COL11A2: variants seen among roughly 807,000 people sequenced by gnomAD.
COL11A2 encodes collagen alpha-2(XI) chain.
A neutral mutation model predicts 273.4 loss-of-function variants in COL11A2; 116 were observed. The ratio of observed to expected loss-of-function variants is 0.42; its 90% CI spans 0.36 to 0.49. The LOEUF (loss-of-function observed/expected upper bound fraction) is 0.49. Ranked by LOEUF, COL11A2 falls within the 20% of genes least tolerant of loss-of-function variation. The pLI is 0.00. For missense variants in COL11A2, 1,866 were observed against 2,309.0 expected, an observed-to-expected ratio of 0.81 and a Z score of 3.93; for synonymous variants, 782 against 864.2, an observed-to-expected ratio of 0.90 and a Z score of 1.67.
Position 33,167,229 on chromosome 6 carries a change from C to T in COL11A2, c.4176+35G>A, listed in dbSNP as rs778686103. The T allele has an allele frequency of 2.1e-5, 34 of 1,614,036 alleles. No homozygotes were observed. The highest frequency in any genetic ancestry group is 1.6e-4 in the Middle Eastern group (1 of 6,084). On this transcript the variant is annotated intron_variant, in intron 57 of 65. Coordinates refer to ENST00000341947, the MANE Select transcript of COL11A2 (RefSeq NM_080680.3). The surrounding 1 kb of genome is among the most constrained non-coding windows in gnomAD (Gnocchi z 6.1). The stretch of plus-strand genomic sequence containing the variant: ...TTCAGCTCTGTCCCAGGGCACTGCC[C>T]TCACCCCTCACTCAGCCCAATCCCA...
rs1040358634 is a variant in COL11A2 at position 33,185,409 on chromosome 6, G to A, written c.876+292C>T. Among the ~76,000 whole-genome samples, 9 of 152,170 alleles carry A rather than the reference G, an allele frequency of 5.9e-5. 1 individual carries two copies. The highest frequency in any genetic ancestry group is 5.2e-4 in the Admixed American group (8 of 15,306). ...GGGTCAAAGCCTGCAGTTGGAGAGG[G>A]CCTCCGGCCTGGTGAGGGGGACGCC... On this transcript the variant is annotated intron_variant, in intron 6 of 65. Transcript: ENST00000341947.
Position 33,178,653 on chromosome 6 carries a change from C to T in COL11A2, c.1719+26G>A, listed in dbSNP as rs1422409504. ...CCCATAGAAGATCTATCCCCAATTA[C>T]AACACACACCCACTAATGTACTCAC... On this transcript the variant is annotated intron_variant, in intron 18 of 65. Transcript: ENST00000341947. This position sits in a 1 kb window ranked among gnomAD's most constrained non-coding sequence, Gnocchi z 4.6. The T allele has an allele frequency of 3.1e-6, 5 of 1,612,364 alleles. No individual in the cohort carries two copies. The South Asian group carries it at 3.3e-5, about 11-fold the overall frequency.
Position 33,178,115 on chromosome 6 carries a change from G to A in COL11A2, c.1872+17C>T, listed in dbSNP as rs745867838. 6.2e-7 allele frequency: 1 copy of A among 1,605,582 alleles called. No homozygotes were observed. The highest frequency in any genetic ancestry group is 1.3e-5 in the African/African-American group (1 of 74,748). Reference sequence around the variant, plus strand: ...TCAAGGGGTCACCTCAGGGTCAGAAGTCAGGGAGTCACTTACAGGGGGTCC... The same window carrying A: ...TCAAGGGGTCACCTCAGGGTCAGAAATCAGGGAGTCACTTACAGGGGGTCC... On this transcript the variant is annotated intron_variant, in intron 21 of 65. Coordinates refer to ENST00000341947, the MANE Select transcript of COL11A2 (RefSeq NM_080680.3). The surrounding 1 kb of genome is among the most constrained non-coding windows in gnomAD (Gnocchi z 4.6).
rs147517796 is a variant in COL11A2, at chr6:33,178,464, G to A, written c.1744C>T (p.Pro582Ser). 6 of 1,612,862 alleles carry A rather than the reference G, an allele frequency of 3.7e-6. No individual in the cohort carries two copies. Among genetic ancestry groups the A allele is most frequent in the Non-Finnish European group, 5.1e-6 (6 of 1,179,990 alleles). ...HRGDTGAQGL[P>S]GPPGEDGERG... Reference sequence around the variant, plus strand: ...TCTCCATCCTCACCAGGGGGACCAGGAAGGCCCTGGGCACCAGTATCACCC... The same window carrying A: ...TCTCCATCCTCACCAGGGGGACCAGAAAGGCCCTGGGCACCAGTATCACCC... The change falls in exon 19 of 66, where the codon CCT (proline) becomes TCT (serine). Residue 582 changes from proline (P) to serine (S), a missense_variant. Transcript: ENST00000341947. This position sits in a 1 kb window ranked among gnomAD's most constrained non-coding sequence, Gnocchi z 4.6.
intron 5 of COL11A2, chr6:33,186,396 A>G (rs183840590): frequency 6.9e-5 from 98 of 1,423,384 alleles, no homozygotes; most frequent in South Asian, 6.0e-4. Context: ...AGTTCCAGGA[A>G]GACTGGAAGA....
At chr6:33,191,634 G>A (rs1773119323) in intron 1 of COL11A2, among the ~76,000 whole-genome samples, 1 of 152,252 alleles carries the variant, frequency 6.6e-6, no homozygotes, top group Non-Finnish European at 1.5e-5. Context: ...CTGCGTGGCA[G>A]CATCGAGGGC....
Position 33,171,500 on chromosome 6 carries a change from C to A in COL11A2, c.3225G>T (p.Gly1075=). The A allele has an allele frequency of 6.2e-7, 1 of 1,614,094 alleles. No homozygotes were observed. The highest frequency in any genetic ancestry group is 8.5e-7 in the Non-Finnish European group (1 of 1,180,000). ...QGPVGLPGPA[G]PPGVAGEDGD... is the part of the protein sequence containing the mutation. ...CATCCTCTCCAGCCACACCTGGAGG[C>A]CCAGCAGGACCAGGAAGCCCCACAG... The change falls in exon 43 of 66, where the codon GGG becomes GGT. Residue 1075 remains glycine (G), a synonymous_variant. Coordinates refer to ENST00000341947, the MANE Select transcript of COL11A2 (RefSeq NM_080680.3).
rs1771165083 is a variant in COL11A2, at chr6:33,178,029, AAGCAT to A, written c.1872+98_1872+102del. On this transcript the variant is annotated intron_variant, in intron 21 of 65. Coordinates refer to ENST00000341947, the MANE Select transcript of COL11A2 (RefSeq NM_080680.3). This position sits in a 1 kb window ranked among gnomAD's most constrained non-coding sequence, Gnocchi z 4.6. ...GCAGGGGGAGCTCACAGGGAATGGGAAGCATGCCGAGAGAGGAGAGGGAGCAGGAA... is the reference window on the plus strand; with the variant it reads ...GCAGGGGGAGCTCACAGGGAATGGGAGCCGAGAGAGGAGAGGGAGCAGGAA... 4 of 1,229,174 alleles carry A rather than the reference AAGCAT, an allele frequency of 3.3e-6. No individual in the cohort carries two copies. Among genetic ancestry groups the A allele is most frequent in the Non-Finnish European group, 4.7e-6 (4 of 858,126 alleles). 76.1% of individuals were successfully genotyped at this position (1,229,174 alleles called of 1,614,324 possible).
In COL11A2 at chr6:33,163,888, A is replaced by C; in HGVS notation, c.5071-70T>G. 5.6e-6 allele frequency: 9 copies of C among 1,610,016 alleles called. No homozygotes were observed. In the South Asian group the frequency reaches 9.9e-5, roughly 18 times the overall value. On this transcript the variant is annotated intron_variant, in intron 65 of 65. Transcript: ENST00000341947. This position sits in a 1 kb window ranked among gnomAD's most constrained non-coding sequence, Gnocchi z 4.1. ...CCCCCCACCCTCTAACCTCAGGCCC[A>C]GGCTCACCTCTCCTCTGAGCACCTT...
Position 33,179,667 on chromosome 6 carries a change from C to T in COL11A2, c.1446+52G>A. ...CTGCCGCACACTCACTCCAGCCAAC[C>T]CTTCCAGTGCCCCCCAGAGCCTTCC... On this transcript the variant is annotated intron_variant, in intron 13 of 65. Transcript: ENST00000341947. This position sits in a 1 kb window ranked among gnomAD's most constrained non-coding sequence, Gnocchi z 6.4. 6.3e-7 allele frequency: 1 copy of T among 1,599,342 alleles called. No individual in the cohort carries two copies. Among genetic ancestry groups the T allele is most frequent in the South Asian group, 1.1e-5 (1 of 90,792 alleles).
rs1372156625 is a variant in COL11A2, at chr6:33,190,619, G to A, written c.83-1150C>T. On this transcript the variant is annotated intron_variant, in intron 1 of 65. Coordinates refer to ENST00000341947, the MANE Select transcript of COL11A2 (RefSeq NM_080680.3). This position sits in a 1 kb window ranked among gnomAD's most constrained non-coding sequence, Gnocchi z 4.5. ...AGTGGAGCTGGGTGGGGTGGGTGAG[G>A]TGGGGCGGGCAGGCAGAGAAAAGGC... 2.6e-5 allele frequency among the ~76,000 whole-genome samples: 4 copies of A among 151,916 alleles called. No homozygotes were observed. The highest frequency in any genetic ancestry group is 4.8e-5 in the African/African-American group (2 of 41,414).
Position 33,164,822 on chromosome 6 carries a change from G to A in COL11A2, c.4863+30C>T, listed in dbSNP as rs1562303673. On this transcript the variant is annotated intron_variant, in intron 64 of 65. Coordinates refer to ENST00000341947, the MANE Select transcript of COL11A2 (RefSeq NM_080680.3). This position sits in a 1 kb window ranked among gnomAD's most constrained non-coding sequence, Gnocchi z 4.7. ...CCCTGAGGGGGTGCACTATGGGGCAGGGGAGGGGCAGCGAGGGGCCAGCTC... is the reference window on the plus strand; with the variant it reads ...CCCTGAGGGGGTGCACTATGGGGCAAGGGAGGGGCAGCGAGGGGCCAGCTC... 1.3e-6 allele frequency: 2 copies of A among 1,537,874 alleles called. No homozygotes were observed. The highest frequency in any genetic ancestry group is 2.8e-5 in the African/African-American group (2 of 72,698).
chr6:33,187,753 A>G (rs72881290), intron 4 of COL11A2, among the ~76,000 whole-genome samples: 2,503 of 145,938 alleles, frequency 0.017, 22 homozygotes, highest in South Asian at 0.033. Context: ...GTGAGTGAGT[A>G]TATTGAAGGA....
Position 33,189,536 on chromosome 6 carries a change from G to A in COL11A2, c.83-67C>T. ...AGGAGGGCATAAATAGGGGACATTT[G>A]GGATCTAGAACTCAGCTTTCCAGGG... On this transcript the variant is annotated intron_variant, in intron 1 of 65. Coordinates refer to ENST00000341947, the MANE Select transcript of COL11A2 (RefSeq NM_080680.3). The surrounding 1 kb of genome is among the most constrained non-coding windows in gnomAD (Gnocchi z 5.6). 1 of 1,597,802 alleles carries A rather than the reference G, an allele frequency of 6.3e-7. No individual in the cohort carries two copies. The highest frequency in any genetic ancestry group is 1.1e-5 in the South Asian group (1 of 89,910).
chr6:33,163,918 C>T lies in COL11A2; in HGVS notation c.5071-100G>A, dbSNP rs1453870429. The T allele has an allele frequency of 6.4e-7, 1 of 1,558,054 alleles. No individual in the cohort carries two copies. Among genetic ancestry groups the T allele is most frequent in the African/African-American group, 1.4e-5 (1 of 73,662 alleles). On this transcript the variant is annotated intron_variant, in intron 65 of 65. Transcript: ENST00000341947. The surrounding 1 kb of genome is among the most constrained non-coding windows in gnomAD (Gnocchi z 4.1). ...CACCTCTCCTCTGAGCACCTTGGCC[C>T]CATCAGGGTGACTCAGGATGTACAG...
At chr6:33,191,165 G>C (rs758916129) in intron 1 of COL11A2, among the ~76,000 whole-genome samples, 1 of 152,154 alleles carries the variant, frequency 6.6e-6, no homozygotes, top group Non-Finnish European at 1.5e-5. Flanking sequence ...AAGACTCCTA[G>C]AGTCTACAGG....
chr6:33,184,753 C>T (rs2150603391), intron 7 of COL11A2, among the ~76,000 whole-genome samples: 1 of 152,332 alleles, frequency 6.6e-6, no homozygotes, highest in African/African-American at 2.4e-5. Context: ...GAGACGAAGT[C>T]ACTCAGGAAT....
rs974712419 is a variant in COL11A2 at position 33,163,644 on chromosome 6, G to A, written c.*34C>T. On this transcript the variant is annotated 3_prime_UTR_variant, in exon 66 of 66. Transcript: ENST00000341947. This position sits in a 1 kb window ranked among gnomAD's most constrained non-coding sequence, Gnocchi z 4.1. ...ATGTTGTGGGATTCCAGGTGGGCCT[G>A]GTTCCGAATGGACAGGATCAGACAG... 6.2e-7 allele frequency: 1 copy of A among 1,612,906 alleles called. No individual in the cohort carries two copies. Among genetic ancestry groups the A allele is most frequent in the South Asian group, 1.1e-5 (1 of 91,088 alleles).
Position 33,168,977 on chromosome 6 carries a change from G to T in COL11A2, c.3830C>A (p.Pro1277His), listed in dbSNP as rs777156156. 40 of 1,609,768 alleles carry T rather than the reference G, an allele frequency of 2.5e-5. No individual in the cohort carries two copies. The highest frequency in any genetic ancestry group is 3.1e-5 in the Non-Finnish European group (36 of 1,178,360). Residue 1277 changes from proline to histidine, a missense_variant, in exon 52 of 66, where the codon CCC (proline) becomes CAC (histidine). Physicochemically the swap from Pro to His is moderately conservative, Grantham distance 77. Transcript: ENST00000341947. ...CACCCGAGGGCCACCTTCTCCAGGG[G>T]GGCCAGGGTCACCAGGAAAACCAAC... Reference protein sequence around the residue: ...GPVGFPGDPGPPGEGGPRGQD... With the variant: ...GPVGFPGDPGHPGEGGPRGQD...
Sources: allele counts gnomAD v4.1 joint callset (sites outside exome capture counted in the v4.1 genomes callset), GRCh38; gene constraint gnomAD v4.1.1; non-coding constraint Gnocchi (gnomAD v3.1); transcripts MANE v1.5; gene names NCBI Gene and HGNC (gene_info 2026-07-23, HGNC 2026-07-21).